Variants in PTPRD observed in about 807,000 individuals in gnomAD.
PTPRD encodes protein tyrosine phosphatase receptor type D.
In PTPRD, 34 loss-of-function variants were observed where a neutral mutation model predicts 214.5. The ratio of observed to expected loss-of-function variants is 0.16; its 90% confidence interval spans 0.12 to 0.21. The LOEUF is 0.21. Among genes scored for constraint, PTPRD ranks in the 10% least tolerant of loss-of-function variants. The pLI is 1.00. For missense variants in PTPRD, 2,545 were observed against 2,398.7 expected (o/e 1.06, Z -1.27); for synonymous variants, 1,128 against 845.7 (o/e 1.33, Z -5.79).
chr9:9,170,634 G>A (rs1038896995), intron 10 of PTPRD, among the ~76,000 whole-genome samples: 8 of 152,192 alleles, frequency 5.3e-5, no homozygotes, highest in African/African-American at 1.9e-4. Flanking sequence ...AAGGCAAGAA[G>A]CAGTTTCACT....
At chr9:10,141,456 AAG>A (rs200406436) in intron 3 of PTPRD, among the ~76,000 whole-genome samples, 6,238 of 152,246 alleles carry the variant, frequency 0.041, 170 homozygotes, top group Non-Finnish European at 0.059. Context: ...ATACAACAAC[AAG>A]AGACAAACAG....
At chr9:9,685,584 A>C (rs759829084) in intron 7 of PTPRD, among the ~76,000 whole-genome samples, 4 of 151,422 alleles carry the variant, frequency 2.6e-5, no homozygotes, top group Non-Finnish European at 5.9e-5. Flanking sequence ...CAACCAAATC[A>C]AAATATTCAG....
At chr9:8,528,542 A>T (rs753433786) in intron 15 of PTPRD, 49 bp downstream of exon 15, 18 of 737,750 alleles carry the variant, frequency 2.4e-5, no homozygotes, top group South Asian at 1.3e-4. Context: ...GAGAAAAATT[A>T]AAAAAAAAAA....
rs561731371 is a variant in PTPRD at position 9,675,406 on chromosome 9, A to T, written c.-287+59127T>A. ...AATAAACATTAGAACAATTCTAAAG[A>T]AATAAATAGAAAACAATAATACAGA... is the stretch of plus-strand genomic sequence containing the variant. On this transcript the variant is annotated intron_variant, in intron 7 of 45. Coordinates refer to ENST00000381196, the MANE Select transcript of PTPRD (RefSeq NM_002839.4). Among the ~76,000 whole-genome samples, 108 of 151,954 alleles carry T rather than the reference A, an allele frequency of 7.1e-4. 3 individuals are homozygous for T. In the South Asian group the frequency reaches 0.022, roughly 31 times the overall value.
At chr9:9,884,578 G>A (rs1278596799) in intron 5 of PTPRD, among the ~76,000 whole-genome samples, 2 of 152,128 alleles carry the variant, frequency 1.3e-5, no homozygotes, top group Middle Eastern at 3.2e-3. Context: ...GACACTATTT[G>A]TAGAAGTCTG....
chr9:8,568,793 T>A (rs2090211184), intron 14 of PTPRD, among the ~76,000 whole-genome samples: 1 of 151,998 alleles, frequency 6.6e-6, no homozygotes, highest in Non-Finnish European at 1.5e-5. Flanking sequence ...TCTACAGAAT[T>A]CATAAATATG....
At chr9:8,708,078 C>T (rs1203542128) in intron 12 of PTPRD, among the ~76,000 whole-genome samples, 2 of 152,192 alleles carry the variant, frequency 1.3e-5, no homozygotes, top group African/African-American at 4.8e-5. Flanking sequence ...TTCTAAGGCA[C>T]CTCTGAAATA....
chr9:9,413,519 T>G (rs1050866357), intron 8 of PTPRD, among the ~76,000 whole-genome samples: 5 of 152,340 alleles, frequency 3.3e-5, no homozygotes, highest in Non-Finnish European at 7.3e-5. Flanking sequence ...TGGACTATGC[T>G]GTCAGAATTT....
At chr9:8,811,321 C>T (rs899698565) in intron 11 of PTPRD, among the ~76,000 whole-genome samples, 4 of 152,106 alleles carry the variant, frequency 2.6e-5, no homozygotes, top group African/African-American at 9.6e-5. Context: ...CTCAACTTCA[C>T]CATTTATAGT....
intron 2 of PTPRD, among the ~76,000 whole-genome samples, chr9:10,421,028 G>A (rs1280693016): frequency 6.6e-6 from 1 of 151,580 alleles, no homozygotes; most frequent in African/African-American, 2.4e-5. Context: ...AATTTCTTGG[G>A]CCATACATAA....
At chr9:9,853,154 G>A (rs1315391784) in intron 5 of PTPRD, among the ~76,000 whole-genome samples, 1 of 152,182 alleles carries the variant, frequency 6.6e-6, no homozygotes, top group East Asian at 1.9e-4. Context: ...TTTCTGTAAA[G>A]GGGCAGATAG....
intron 12 of PTPRD, among the ~76,000 whole-genome samples, chr9:8,652,975 T>G (rs139377263): frequency 6.6e-6 from 1 of 152,308 alleles, no homozygotes; most frequent in African/African-American, 2.4e-5. Context: ...ATGCTGCTTC[T>G]TTCCCTCCAT....
chr9:9,302,973 G>A (rs557351784), intron 9 of PTPRD, among the ~76,000 whole-genome samples: 40 of 151,976 alleles, frequency 2.6e-4, no homozygotes, highest in African/African-American at 9.4e-4. Context: ...CCTCTCTTTA[G>A]ATTCTATGCT....
intron 4 of PTPRD, among the ~76,000 whole-genome samples, chr9:9,958,713 T>A (rs1336250068): frequency 1.3e-5 from 2 of 152,146 alleles, no homozygotes; most frequent in Non-Finnish European, 2.9e-5. Context: ...AGGAAACAAG[T>A]GACCCAATTT....
chr9:9,585,524 A>G (rs959173648), intron 7 of PTPRD, among the ~76,000 whole-genome samples: 1 of 152,070 alleles, frequency 6.6e-6, no homozygotes, highest in African/African-American at 2.4e-5. Flanking sequence ...AAAATGTCCA[A>G]ACAAAATTTA....
chr9:9,150,667 C>T (rs965496672), intron 10 of PTPRD, among the ~76,000 whole-genome samples: 20 of 151,850 alleles, frequency 1.3e-4, no homozygotes, highest in Middle Eastern at 3.4e-3. Flanking sequence ...TCAGTACAGA[C>T]GGAGTTTCAC....
At chr9:9,923,954 G>A (rs1046943945) in intron 5 of PTPRD, among the ~76,000 whole-genome samples, 6 of 151,790 alleles carry the variant, frequency 4.0e-5, no homozygotes, top group African/African-American at 1.5e-4. Context: ...CTAGAGGAGT[G>A]AAATCTAAAC....
intron 3 of PTPRD, among the ~76,000 whole-genome samples, chr9:10,306,048 T>C (rs1485604266): frequency 1.3e-5 from 2 of 151,994 alleles, no homozygotes; most frequent in African/African-American, 2.4e-5. Context: ...ATAGACTGGA[T>C]AAAGAAAATG....
At chr9:10,261,172 C>T (rs2093678387) in intron 3 of PTPRD, among the ~76,000 whole-genome samples, 1 of 150,176 alleles carries the variant, frequency 6.7e-6, no homozygotes, top group Admixed American at 6.7e-5. Context: ...AGACTGGATC[C>T]AAAAGATCAA....
Sources: allele counts gnomAD v4.1 joint callset (sites outside exome capture counted in the v4.1 genomes callset), GRCh38; gene constraint gnomAD v4.1.1; transcripts MANE v1.5; gene names NCBI Gene and HGNC (gene_info 2026-07-23, HGNC 2026-07-21).